Variants in CAST observed in about 807,000 individuals in gnomAD.
CAST encodes calpastatin.
In CAST, 76 loss-of-function variants were observed where a neutral mutation model predicts 119.6. The observed-to-expected ratio is 0.64, with a 90% CI of 0.53 to 0.77. The LOEUF is 0.77. Among genes scored for constraint, CAST ranks in the 30% least tolerant of loss-of-function variants. CAST has a pLI of 0.00. For synonymous variants in CAST, 319 were observed against 331.6 expected (o/e 0.96, Z 0.41); for missense variants, 953 against 946.5 (o/e 1.01, Z -0.09).
chr5:96,236,659 C>T, the CAST span, among the ~76,000 whole-genome samples: 2 of 152,182 alleles, frequency 1.3e-5, no homozygotes, highest in Non-Finnish European at 2.9e-5. Context: ...TTCTGATAAT[C>T]TACTCCTGGC....
At chr5:96,530,257 G>A (rs73775320) in intron 1 of CAST, among the ~76,000 whole-genome samples, 1,673 of 152,134 alleles carry the variant, frequency 0.011, 26 homozygotes, top group African/African-American at 0.039. Context: ...TGGAGAAGGA[G>A]GTGGAACCAT....
chr5:96,667,874 G>A (rs544261215), intron 1 of CAST, among the ~76,000 whole-genome samples: 64 of 152,270 alleles, frequency 4.2e-4, no homozygotes, highest in African/African-American at 1.5e-3. Context: ...AATTAGCTGG[G>A]CGTGGTGGCA....
chr5:96,130,458 A>AAC, the CAST span, among the ~76,000 whole-genome samples: 1 of 151,624 alleles, frequency 6.6e-6, no homozygotes, highest in African/African-American at 2.4e-5. Context: ...GGAAAAAAAA[A>AAC]AAACCTAAGG....
At chr5:96,315,727 A>G in the CAST span, among the ~76,000 whole-genome samples, 2 of 152,318 alleles carry the variant, frequency 1.3e-5, no homozygotes, top group African/African-American at 2.4e-5. Context: ...AGCAGAAGTG[A>G]CACTGTGCCA....
chr5:96,477,141 G>T, the CAST span, among the ~76,000 whole-genome samples: 3 of 146,216 alleles, frequency 2.1e-5, no homozygotes, highest in Admixed American at 2.1e-4. Context: ...AAATCCAAAA[G>T]ATTACTTTTA....
intron 1 of CAST, among the ~76,000 whole-genome samples, chr5:96,534,318 A>C (rs1359355122): frequency 6.6e-6 from 1 of 152,094 alleles, no homozygotes; most frequent in African/African-American, 2.4e-5. Context: ...GAGTATGAAA[A>C]CTGCAACTAT....
chr5:96,325,503 G>T, the CAST span, among the ~76,000 whole-genome samples: 3 of 142,644 alleles, frequency 2.1e-5, no homozygotes, highest in South Asian at 2.3e-4. Context: ...TTTTTGAGAC[G>T]GAGACTCGCT....
At chr5:96,221,610 G>A in the CAST span, among the ~76,000 whole-genome samples, 1 of 151,936 alleles carries the variant, frequency 6.6e-6, no homozygotes, top group South Asian at 2.1e-4. Context: ...AGTTGAAGAG[G>A]ACACAAACAA....
intron 1 of CAST, among the ~76,000 whole-genome samples, chr5:96,594,209 G>A (rs903652585): frequency 2.0e-5 from 3 of 152,138 alleles, no homozygotes; most frequent in Non-Finnish European, 4.4e-5. Flanking sequence ...AGAAACTCTC[G>A]TTTTTTCCAC....
At chr5:96,412,752 G>GTTTTTTTTTTTTTGTTTTTTTTTTTT in the CAST span, among the ~76,000 whole-genome samples, 1 of 71,832 alleles carries the variant, frequency 1.4e-5, no homozygotes, top group African/African-American at 9.0e-5. Flanking sequence ...CAGCTGTGAT[G>GTTTTTTTTTTTTTGTTTTTTTTTTTT]TTTTTTTTTT....
the CAST span, among the ~76,000 whole-genome samples, chr5:96,378,192 C>T: frequency 6.6e-6 from 1 of 152,050 alleles, no homozygotes; most frequent in Non-Finnish European, 1.5e-5. Context: ...TGGGAGATGT[C>T]AGTCAAAAGA....
At chr5:96,599,884 C>A (rs1747113615) in intron 1 of CAST, among the ~76,000 whole-genome samples, 1 of 150,440 alleles carries the variant, frequency 6.6e-6, no homozygotes, top group Admixed American at 6.6e-5. Context: ...CTCTTTCTCT[C>A]CTTTTCCTCA....
At chr5:96,323,874 G>T in the CAST span, among the ~76,000 whole-genome samples, 1 of 152,312 alleles carries the variant, frequency 6.6e-6, no homozygotes, top group Non-Finnish European at 1.5e-5. Context: ...AGGTAGAACT[G>T]GGTCCTTCCC....
At chr5:96,294,632 T>G in the CAST span, among the ~76,000 whole-genome samples, 2 of 152,258 alleles carry the variant, frequency 1.3e-5, no homozygotes, top group East Asian at 3.8e-4. Context: ...ATATTTGATC[T>G]TTCAATATTT....
At chr5:96,050,693 G>A in the CAST span, among the ~76,000 whole-genome samples, 1 of 152,192 alleles carries the variant, frequency 6.6e-6, no homozygotes, top group African/African-American at 2.4e-5. Flanking sequence ...GGAGTTGAAT[G>A]CTCCAATCCC....
At chr5:96,605,796 T>C (rs1747242530) in intron 1 of CAST, among the ~76,000 whole-genome samples, 1 of 152,194 alleles carries the variant, frequency 6.6e-6, no homozygotes, top group South Asian at 2.1e-4. Flanking sequence ...CATTAATAAA[T>C]TACCATCACC....
the CAST span, among the ~76,000 whole-genome samples, chr5:96,321,934 G>T: frequency 2.6e-5 from 4 of 152,176 alleles, no homozygotes; most frequent in South Asian, 8.3e-4. Context: ...TAAACAAAAT[G>T]ACACAAACCC....
At chr5:96,261,053 T>C in the CAST span, among the ~76,000 whole-genome samples, 4 of 152,156 alleles carry the variant, frequency 2.6e-5, no homozygotes, top group Admixed American at 6.6e-5. Flanking sequence ...TCTTCTCTCT[T>C]TTTTTGGTCC....
the CAST span, among the ~76,000 whole-genome samples, chr5:96,041,972 G>C: frequency 6.6e-6 from 1 of 152,152 alleles, no homozygotes; most frequent in Non-Finnish European, 1.5e-5. Flanking sequence ...GATAGTTTCA[G>C]AGGTGAGCAG....
Sources: allele counts gnomAD v4.1 joint callset (sites outside exome capture counted in the v4.1 genomes callset), GRCh38; gene constraint gnomAD v4.1.1; transcripts MANE v1.5; gene names NCBI Gene and HGNC (gene_info 2026-07-23, HGNC 2026-07-21).